The following ERG variants were observed in gnomAD, a reference collection of about 807,000 sequenced individuals.
ERG encodes the protein transcriptional regulator ERG.
ERG carries 9 observed loss-of-function variants against 55.3 expected under a neutral mutation model. The ratio of observed to expected loss-of-function variants is 0.16; its 90% CI spans 0.10 to 0.28. ERG has a LOEUF of 0.28. Ranked by LOEUF, ERG falls within the 10% of genes least tolerant of loss-of-function variation. ERG has a pLI of 1.00. For synonymous variants in ERG, 223 were observed against 237.3 expected (o/e 0.94, Z 0.55); for missense variants, 434 against 631.6 (o/e 0.69, Z 3.35).
At chr21:38,615,555 G>C (rs574455843) in intron 1 of ERG, among the ~76,000 whole-genome samples, 13 of 151,216 alleles carry the variant, frequency 8.6e-5, no homozygotes, top group African/African-American at 3.2e-4. Flanking sequence ...ACATGTACTA[G>C]TTTTGTGACC....
intron 1 of ERG, among the ~76,000 whole-genome samples, chr21:38,654,484 T>C (rs923343688): frequency 2.6e-5 from 4 of 152,204 alleles, no homozygotes; most frequent in Non-Finnish European, 5.9e-5. Context: ...AATAAATAAA[T>C]ACATAAATAA....
At chr21:38,472,366 AATTT>A (rs2059147494) in intron 1 of ERG, among the ~76,000 whole-genome samples, 1 of 152,184 alleles carries the variant, frequency 6.6e-6, no homozygotes, top group Non-Finnish European at 1.5e-5. Flanking sequence ...GGCACTTTAT[AATTT>A]AATAAACACC....
chr21:38,543,396 A>G (rs1487320270), intron 2 of ERG, among the ~76,000 whole-genome samples: 1 of 150,898 alleles, frequency 6.6e-6, no homozygotes, highest in Non-Finnish European at 1.5e-5. Flanking sequence ...TAATTTTAGC[A>G]GAGGTTATTT....
intron 2 of ERG, among the ~76,000 whole-genome samples, chr21:38,508,786 G>A (rs1021679127): frequency 6.6e-6 from 1 of 152,200 alleles, no homozygotes; most frequent in African/African-American, 2.4e-5. Context: ...ATCAGAAAGT[G>A]AGGTCCACGT....
At chr21:38,627,032 C>T (rs555153369) in intron 1 of ERG, among the ~76,000 whole-genome samples, 25 of 151,300 alleles carry the variant, frequency 1.7e-4, no homozygotes, top group South Asian at 8.4e-4. Flanking sequence ...AATGTATTGG[C>T]AAACAAAACA....
intron 2 of ERG, among the ~76,000 whole-genome samples, chr21:38,437,396 C>T (rs1003303803): frequency 3.3e-5 from 5 of 152,190 alleles, no homozygotes; most frequent in African/African-American, 1.2e-4. Flanking sequence ...CCTCTACCCA[C>T]CAGACACCAG....
At chr21:38,591,101 C>G (rs1015215730) in intron 1 of ERG, among the ~76,000 whole-genome samples, 2 of 152,104 alleles carry the variant, frequency 1.3e-5, no homozygotes, top group African/African-American at 2.4e-5. Flanking sequence ...GAGGAGCAGT[C>G]AGAGCATAAG....
intron 2 of ERG, among the ~76,000 whole-genome samples, chr21:38,429,256 G>C (rs966957362): frequency 1.3e-5 from 2 of 151,034 alleles, no homozygotes; most frequent in East Asian, 1.9e-4. Flanking sequence ...GTGTGTGTGT[G>C]TATATACACA....
At chr21:38,589,845 T>C (rs571782010), upstream of ERG, among the ~76,000 whole-genome samples, 1 of 152,216 alleles carries the variant, frequency 6.6e-6, no homozygotes. Context: ...TGCATTTTCC[T>C]TGTTAACTAA....
intron 1 of ERG, among the ~76,000 whole-genome samples, chr21:38,608,172 C>G (rs1041420189): frequency 6.6e-6 from 1 of 152,056 alleles, no homozygotes; most frequent in Non-Finnish European, 1.5e-5. Flanking sequence ...TTTTAAAAAT[C>G]CAGTTATACT....
intron 2 of ERG, among the ~76,000 whole-genome samples, chr21:38,432,379 C>G (rs1294691082): frequency 6.6e-6 from 1 of 152,216 alleles, no homozygotes; most frequent in African/African-American, 2.4e-5. Flanking sequence ...CAGGCATGAG[C>G]TGCTGCACTG....
chr21:38,550,759 C>T (rs2059819072), intron 2 of ERG, among the ~76,000 whole-genome samples: 1 of 152,170 alleles, frequency 6.6e-6, no homozygotes, highest in Admixed American at 6.5e-5. Context: ...ATTGAGAAAA[C>T]AGAGACTATA....
chr21:38,443,439 T>C (rs1006601531), intron 2 of ERG, among the ~76,000 whole-genome samples: 3 of 152,196 alleles, frequency 2.0e-5, no homozygotes, highest in Non-Finnish European at 2.9e-5. Context: ...CCGGTCTTAG[T>C]GTCTCCGCCG....
At chr21:38,406,385 C>T (rs368632488) in intron 3 of ERG, among the ~76,000 whole-genome samples, 2 of 152,254 alleles carry the variant, frequency 1.3e-5, no homozygotes, top group East Asian at 1.9e-4. Context: ...GATGACTCTT[C>T]GTCATTGGCT....
intron 1 of ERG, among the ~76,000 whole-genome samples, chr21:38,452,242 C>G (rs1333466056): frequency 1.3e-5 from 2 of 152,164 alleles, no homozygotes; most frequent in Non-Finnish European, 2.9e-5. Flanking sequence ...GATACATTTG[C>G]ACATACAGAT....
chr21:38,554,785 C>G (rs1167897864), intron 2 of ERG, among the ~76,000 whole-genome samples: 1 of 151,536 alleles, frequency 6.6e-6, no homozygotes, highest in Non-Finnish European at 1.5e-5. Context: ...TGCAATTTAC[C>G]CACGTAACAA....
At chr21:38,650,337 A>C (rs934985578) in intron 1 of ERG, among the ~76,000 whole-genome samples, 1 of 152,194 alleles carries the variant, frequency 6.6e-6, no homozygotes, top group African/African-American at 2.4e-5. Flanking sequence ...ATGAAATCTT[A>C]ACTTTAAGAG....
At chr21:38,659,717 G>A (rs946180777) in intron 1 of ERG, among the ~76,000 whole-genome samples, 6 of 152,326 alleles carry the variant, frequency 3.9e-5, no homozygotes, top group African/African-American at 1.4e-4. Flanking sequence ...TTAGATTAAC[G>A]ATGAGTTGTA....
intron 9 of ERG, 141 bp from the exon 10 acceptor site, chr21:38,384,064 G>C (rs1165236807): frequency 1.7e-6 from 2 of 1,171,208 alleles, no homozygotes; most frequent in East Asian, 5.1e-5. Context: ...TCCCTCAGCT[G>C]CAGGGGTGCG....
Sources: gnomAD v4.1 joint callset for allele counts (sites outside exome capture counted in the v4.1 genomes callset) on GRCh38, gnomAD v4.1.1 for gene constraint, MANE v1.5 for transcripts, NCBI Gene and HGNC (gene_info 2026-07-23, HGNC 2026-07-21) for gene names.